Variants in CHST11 observed in about 807,000 individuals in gnomAD.
CHST11 encodes carbohydrate sulfotransferase 11.
In CHST11, 9 loss-of-function variants were observed where a neutral mutation model predicts 30.4. The observed-to-expected ratio is 0.30, with a 90% CI of 0.18 to 0.52. CHST11 has a LOEUF of 0.52. CHST11 is among the 20% of genes least tolerant of loss of function. The pLI is 0.97. For missense variants in CHST11, 348 were observed against 460.6 expected, an observed-to-expected ratio of 0.76 and a Z score of 2.24; for synonymous variants, 152 against 187.8, an observed-to-expected ratio of 0.81 and a Z score of 1.56.
At chr12:104,643,344 C>T (rs1288319594) in intron 2 of CHST11, among the ~76,000 whole-genome samples, 1 of 152,126 alleles carries the variant, frequency 6.6e-6, no homozygotes, top group Non-Finnish European at 1.5e-5. Flanking sequence ...CAAAGCAAAA[C>T]AAAAAACCGC....
intron 1 of CHST11, among the ~76,000 whole-genome samples, chr12:104,592,314 A>G (rs550643733): frequency 6.6e-6 from 1 of 152,300 alleles, no homozygotes; most frequent in South Asian, 2.1e-4. Context: ...TATACACAAC[A>G]GAAATTTATT....
At chr12:104,601,766 T>C (rs2038959182) in intron 1 of CHST11, 140 bp from the exon 2 acceptor site, 1 of 644,452 alleles carries the variant, frequency 1.6e-6, no homozygotes, top group Non-Finnish European at 2.7e-6. Context: ...GAAGGGACAG[T>C]GTGGAAATCT....
chr12:104,591,944 G>A (rs2038862492), intron 1 of CHST11, among the ~76,000 whole-genome samples: 1 of 152,064 alleles, frequency 6.6e-6, no homozygotes, highest in Non-Finnish European at 1.5e-5. Context: ...CAGGAATCAG[G>A]AGATCTTCAT....
intron 2 of CHST11, among the ~76,000 whole-genome samples, chr12:104,690,364 C>T (rs1255473223): frequency 2.6e-5 from 4 of 152,180 alleles, no homozygotes; most frequent in Non-Finnish European, 4.4e-5. Context: ...TTTCTCTTTT[C>T]AATTTGCTAA....
chr12:104,490,009 G>C (rs760025907), intron 1 of CHST11, among the ~76,000 whole-genome samples: 3 of 152,158 alleles, frequency 2.0e-5, no homozygotes, highest in Non-Finnish European at 2.9e-5. Context: ...GCCTGATGAA[G>C]TTCAAATTGT....
At position 104,684,534 on chromosome 12, in the gene CHST11, A is replaced by ATGGTT. The variant is rs201560164; in HGVS notation, c.205-72393_205-72389dup. ...CCAAGACACCTTTGTTTTGTTTGAT[A>ATGGTT]TGGTTTGGTTTGGTTTGGTTTGGTT... On this transcript the variant is annotated intron_variant, in intron 2 of 2. Coordinates refer to ENST00000303694, the MANE Select transcript of CHST11 (RefSeq NM_018413.6). Among the ~76,000 whole-genome samples, 1,185 of 152,192 alleles carry ATGGTT rather than the reference A, an allele frequency of 7.8e-3. 15 individuals are homozygous for ATGGTT. Among genetic ancestry groups the ATGGTT allele is most frequent in the East Asian group, 0.064 (328 of 5,162 alleles).
intron 1 of CHST11, among the ~76,000 whole-genome samples, chr12:104,519,167 A>G (rs2038054227): frequency 6.6e-6 from 1 of 151,756 alleles, no homozygotes; most frequent in Non-Finnish European, 1.5e-5. Flanking sequence ...CTTATGAACA[A>G]AAGTGCTATT....
intron 1 of CHST11, among the ~76,000 whole-genome samples, chr12:104,573,001 G>A (rs2038644412): frequency 6.6e-6 from 1 of 152,104 alleles, no homozygotes; most frequent in South Asian, 2.1e-4. Flanking sequence ...AAGCTGATAG[G>A]CAACTTCAGC....
intron 1 of CHST11, among the ~76,000 whole-genome samples, chr12:104,585,269 G>C (rs2038792100): frequency 6.6e-6 from 1 of 152,202 alleles, no homozygotes; most frequent in African/African-American, 2.4e-5. Context: ...CAATGCCAAA[G>C]CGCTTAGGCC....
intron 2 of CHST11, among the ~76,000 whole-genome samples, chr12:104,752,368 G>A (rs1279170955): frequency 6.6e-6 from 1 of 152,044 alleles, no homozygotes; most frequent in African/African-American, 2.4e-5. Context: ...AATTACACCT[G>A]CAAAAACCCT....
chr12:104,655,616 G>T (rs1381350572), intron 2 of CHST11, among the ~76,000 whole-genome samples: 1 of 152,252 alleles, frequency 6.6e-6, no homozygotes, highest in Admixed American at 6.5e-5. Context: ...TGCTCAGAAA[G>T]ATATACCAGA....
intron 2 of CHST11, among the ~76,000 whole-genome samples, chr12:104,745,770 AT>A (rs1399873439): frequency 1.3e-5 from 2 of 152,098 alleles, no homozygotes; most frequent in Non-Finnish European, 2.9e-5. Context: ...AGTGCTAGTG[AT>A]TTTTGTACAC....
At position 104,502,953 on chromosome 12, in the gene CHST11, G is replaced by A. The variant is rs188615225; in HGVS notation, c.118+45424G>A. ...GCAGATCTGGATTCAGTAGATGTGG[G>A]GCAGAGCTGGGATTCGGCCTTGCTA... is the stretch of plus-strand genomic sequence containing the variant. On this transcript the variant is annotated intron_variant, in intron 1 of 2. Coordinates refer to ENST00000303694, the MANE Select transcript of CHST11 (RefSeq NM_018413.6). 2.6e-5 allele frequency among the ~76,000 whole-genome samples: 4 copies of A among 152,304 alleles called. No individual in the cohort carries two copies. In the East Asian group the frequency reaches 7.7e-4, roughly 29 times the overall value.
At position 104,457,156 on chromosome 12, in the gene CHST11, G is replaced by T. The variant is rs1338968531; in HGVS notation, c.-256G>T. 1 of 302,462 alleles carries T rather than the reference G, an allele frequency of 3.3e-6. No individual in the cohort carries two copies. Among genetic ancestry groups the T allele is most frequent in the Non-Finnish European group, 6.1e-6 (1 of 164,870 alleles). The allele number at this position is 302,462 out of a possible 1,614,324, so 18.7% of individuals were successfully genotyped here. On this transcript the variant is annotated 5_prime_UTR_variant, in exon 1 of 3. Coordinates refer to ENST00000303694, the MANE Select transcript of CHST11 (RefSeq NM_018413.6). ...CGGGATCGGAGGAGGCGGCGGAGCG[G>T]CGAGGAGGAGGAGCAGGAGCGCGCA...
At chr12:104,479,977 G>A (rs7314130) in intron 1 of CHST11, among the ~76,000 whole-genome samples, 19 of 152,302 alleles carry the variant, frequency 1.2e-4, no homozygotes, top group African/African-American at 3.9e-4. Context: ...TTATGTCTGT[G>A]GGGGAGGCTG....
intron 2 of CHST11, among the ~76,000 whole-genome samples, chr12:104,703,079 TTGCCTGCTGCG>T (rs2040003195): frequency 6.6e-6 from 1 of 152,214 alleles, no homozygotes; most frequent in Non-Finnish European, 1.5e-5. Flanking sequence ...CCCTGTCATC[TTGCCTGCTGCG>T]TGCCTGCTGG....
chr12:104,687,538 A>G lies in CHST11; in HGVS notation c.205-69411A>G, dbSNP rs573514437. 1.2e-4 allele frequency among the ~76,000 whole-genome samples: 18 copies of G among 152,362 alleles called. No homozygotes were observed. The South Asian group carries it at 3.7e-3, about 32-fold the overall frequency. On this transcript the variant is annotated intron_variant, in intron 2 of 2. Coordinates refer to ENST00000303694, the MANE Select transcript of CHST11 (RefSeq NM_018413.6). ...GGCCAAAGAGCTTAAGAATTTGCCC[A>G]TAGTCATAGCTGGGAAGCCAGAGGC...
intron 2 of CHST11, among the ~76,000 whole-genome samples, chr12:104,695,446 AGTGTGTGTGTGT>A (rs67943103): frequency 1.3e-5 from 2 of 149,352 alleles, no homozygotes; most frequent in African/African-American, 4.9e-5. Flanking sequence ...CAACACAATG[AGTGTGTGTGTGT>A]GTGTGTGTGT....
intron 2 of CHST11, among the ~76,000 whole-genome samples, chr12:104,675,783 G>A (rs1175966013): frequency 1.3e-5 from 2 of 152,192 alleles, no homozygotes; most frequent in Non-Finnish European, 2.9e-5. Context: ...ATACATACAT[G>A]CAAAAAGTCC....
Sources: allele counts gnomAD v4.1 joint callset (sites outside exome capture counted in the v4.1 genomes callset), GRCh38; gene constraint gnomAD v4.1.1; transcripts MANE v1.5; gene names NCBI Gene and HGNC (gene_info 2026-07-23, HGNC 2026-07-21).